FRMD4A: variants seen among roughly 807,000 people sequenced by gnomAD.
FRMD4A encodes FERM domain-containing protein 4A.
In FRMD4A, 29 loss-of-function variants were observed where a neutral mutation model predicts 129.1. The observed-to-expected ratio is 0.22, with a 90% CI of 0.17 to 0.31. The LOEUF is 0.31. Ranked by LOEUF, FRMD4A falls within the 10% of genes least tolerant of loss-of-function variation. The pLI, the probability that FRMD4A is intolerant of heterozygous loss-of-function variation, is 1.00. For synonymous variants in FRMD4A, 634 were observed against 571.6 expected (o/e 1.11, Z -1.56); for missense variants, 1,272 against 1,375.8 (o/e 0.92, Z 1.19).
chr10:13,814,145 G>A (rs547664095), intron 3 of FRMD4A, among the ~76,000 whole-genome samples: 1 of 152,262 alleles, frequency 6.6e-6, no homozygotes, highest in South Asian at 2.1e-4. Flanking sequence ...AACAGAGATA[G>A]AGGAGGAGGA....
chr10:14,036,038 A>G (rs986645059), intron 2 of FRMD4A, among the ~76,000 whole-genome samples: 611 of 42,756 alleles, frequency 0.014, 5 homozygotes, highest in African/African-American at 0.029. Flanking sequence ...GTGAAACTCC[A>G]CCTCAAAAAA....
chr10:14,191,999 C>A (rs1237592500), intron 2 of FRMD4A, among the ~76,000 whole-genome samples: 1 of 152,128 alleles, frequency 6.6e-6, no homozygotes. Flanking sequence ...ACATTTCAAC[C>A]AGGCTTTAAC....
intron 2 of FRMD4A, among the ~76,000 whole-genome samples, chr10:14,231,548 G>C (rs192692334): frequency 6.6e-6 from 1 of 152,062 alleles, no homozygotes; most frequent in Non-Finnish European, 1.5e-5. Context: ...AGGTTTCACC[G>C]TGTTAGCCAG....
At chr10:14,222,048 C>T (rs1445574007) in intron 2 of FRMD4A, among the ~76,000 whole-genome samples, 1 of 152,112 alleles carries the variant, frequency 6.6e-6, no homozygotes, top group Non-Finnish European at 1.5e-5. Context: ...TTCATTTGCC[C>T]ACTACCACGT....
intron 12 of FRMD4A, among the ~76,000 whole-genome samples, chr10:13,734,656 AC>A (rs34445355): frequency 0.5 from 75,654 of 151,596 alleles, 19,447 homozygotes; most frequent in Middle Eastern, 0.64. Context: ...TCTTCTCCTT[AC>A]ACCCAGTTGA....
intron 2 of FRMD4A, among the ~76,000 whole-genome samples, chr10:14,162,145 T>C (rs1840923442): frequency 6.6e-6 from 1 of 152,134 alleles, no homozygotes; most frequent in African/African-American, 2.4e-5. Flanking sequence ...CTTCAAAATC[T>C]GGTGTTCATT....
intron 2 of FRMD4A, among the ~76,000 whole-genome samples, chr10:13,864,161 A>G (rs567531821): frequency 2.0e-5 from 3 of 151,688 alleles, no homozygotes; most frequent in Admixed American, 6.6e-5. Context: ...ACGCTCCTGT[A>G]ATTTTTGTAT....
intron 2 of FRMD4A, among the ~76,000 whole-genome samples, chr10:14,262,470 G>A (rs1434467786): frequency 2.0e-5 from 3 of 152,048 alleles, no homozygotes; most frequent in African/African-American, 7.2e-5. Context: ...CTTGTGTGTC[G>A]AGGCTTATCT....
intron 16 of FRMD4A, among the ~76,000 whole-genome samples, 192 bp from the exon 17 acceptor site, chr10:13,670,720 T>C (rs1227355666): frequency 2.6e-5 from 4 of 152,252 alleles, no homozygotes; most frequent in Admixed American, 1.3e-4. Context: ...TGAAATTTCA[T>C]TTCTCTAACA....
chr10:13,701,820 G>A (rs539342898), intron 13 of FRMD4A, among the ~76,000 whole-genome samples: 1 of 152,324 alleles, frequency 6.6e-6, no homozygotes, highest in Admixed American at 6.5e-5. Flanking sequence ...TTCGCAGACA[G>A]GAAAACCTTC....
intron 2 of FRMD4A, among the ~76,000 whole-genome samples, chr10:14,325,099 A>AT (rs1259762379): frequency 3.3e-5 from 5 of 152,212 alleles, no homozygotes; most frequent in Non-Finnish European, 5.9e-5. Flanking sequence ...GTGGGACAAC[A>AT]TCTGCAAACG....
chr10:14,103,575 T>C (rs1420930713), intron 2 of FRMD4A, among the ~76,000 whole-genome samples: 2 of 152,224 alleles, frequency 1.3e-5, no homozygotes, highest in Non-Finnish European at 2.9e-5. Context: ...TCTATCCTGT[T>C]TAAGCCACTA....
chr10:14,175,780 C>T (rs928841683), intron 2 of FRMD4A, among the ~76,000 whole-genome samples: 6 of 152,192 alleles, frequency 3.9e-5, no homozygotes, highest in African/African-American at 9.7e-5. Flanking sequence ...CCGCCTCAGC[C>T]TCTCAAAGTG....
At chr10:13,735,623 G>A (rs1165925657) in intron 12 of FRMD4A, among the ~76,000 whole-genome samples, 1 of 152,066 alleles carries the variant, frequency 6.6e-6, no homozygotes, top group Non-Finnish European at 1.5e-5. Flanking sequence ...TTAATAAATT[G>A]AACCAAACAA....
intron 2 of FRMD4A, among the ~76,000 whole-genome samples, chr10:14,146,708 C>T (rs1840092990): frequency 6.6e-6 from 1 of 152,158 alleles, no homozygotes; most frequent in Non-Finnish European, 1.5e-5. Flanking sequence ...GTTCTCAGCT[C>T]TTGCTCCACC....
chr10:14,151,441 T>C (rs1840334497), intron 2 of FRMD4A, among the ~76,000 whole-genome samples: 2 of 152,096 alleles, frequency 1.3e-5, no homozygotes, highest in South Asian at 4.2e-4. Flanking sequence ...AAGTGGGAGC[T>C]AAATAAAGGG....
chr10:13,853,144 T>C (rs2094162297), intron 3 of FRMD4A, among the ~76,000 whole-genome samples: 2 of 152,132 alleles, frequency 1.3e-5, no homozygotes, highest in South Asian at 4.1e-4. Flanking sequence ...GAGACTCACA[T>C]CATGCGGCAG....
rs71388152 is a variant in FRMD4A at position 14,039,455 on chromosome 10, A to AATCT, written c.46-180547_46-180544dup. 7.6e-3 allele frequency among the ~76,000 whole-genome samples: 494 copies of AATCT among 64,626 alleles called. 4 individuals are homozygous for AATCT. The highest frequency in any genetic ancestry group is 0.011 in the East Asian group (38 of 3,502). The allele number at this position is 64,626 out of a possible 152,430, so 42.4% of individuals were successfully genotyped here. ...CTATATTGGAACCCCAAAATCAATC[A>AATCT]ATCTATCTATCTATCTATCTATCTA... On this transcript the variant is annotated intron_variant, in intron 2 of 24. Transcript: ENST00000357447.
At chr10:13,807,209 G>A (rs1375924552) in intron 4 of FRMD4A, among the ~76,000 whole-genome samples, 3 of 152,182 alleles carry the variant, frequency 2.0e-5, no homozygotes, top group African/African-American at 7.2e-5. Flanking sequence ...CCACGATTCA[G>A]ATAATTTATA....
Sources: allele counts gnomAD v4.1 joint callset (sites outside exome capture counted in the v4.1 genomes callset), GRCh38; gene constraint gnomAD v4.1.1; transcripts MANE v1.5; gene names NCBI Gene and HGNC (gene_info 2026-07-23, HGNC 2026-07-21).